The following FBN2 variants were observed in gnomAD, a reference collection of about 807,000 sequenced individuals.
FBN2 encodes the protein fibrillin 2.
A neutral mutation model predicts 355.6 loss-of-function variants in FBN2; 105 were observed. The ratio of observed to expected loss-of-function variants is 0.30; its 90% confidence interval spans 0.25 to 0.35. The LOEUF is 0.35. Among genes scored for constraint, FBN2 ranks in the 10% least tolerant of loss-of-function variants. FBN2 has a pLI of 1.00. For synonymous variants in FBN2, 1,350 were observed against 1,301.2 expected (o/e 1.04, Z -0.81); for missense variants, 3,280 against 3,758.7 (o/e 0.87, Z 3.33).
At chr5:128,396,280 A>G (rs1329168019) in intron 8 of FBN2, among the ~76,000 whole-genome samples, 2 of 152,218 alleles carry the variant, frequency 1.3e-5, no homozygotes, top group Non-Finnish European at 2.9e-5. Context: ...AAAACATGTT[A>G]TATTTGGAAT....
chr5:128,471,579 T>G (rs1218741362), intron 5 of FBN2, among the ~76,000 whole-genome samples: 2 of 152,164 alleles, frequency 1.3e-5, no homozygotes. Context: ...AAGAGATCTG[T>G]GCAAATATTA....
At chr5:128,406,654 C>T (rs2126997289) in intron 8 of FBN2, among the ~76,000 whole-genome samples, 1 of 152,246 alleles carries the variant, frequency 6.6e-6, no homozygotes, top group Admixed American at 6.5e-5. Context: ...GGAGCCTATA[C>T]AGCATGGATA....
At chr5:128,487,541 T>C (rs546675189) in intron 5 of FBN2, among the ~76,000 whole-genome samples, 109 of 152,336 alleles carry the variant, frequency 7.2e-4, no homozygotes, top group Middle Eastern at 3.4e-3. Context: ...TTTTAAAATA[T>C]ATTTGTTTTA....
In FBN2 at chr5:128,259,349, A is replaced by C; in HGVS notation, c.*106T>G. ...AGTCTAAGACAGGGAGGAAAGAAAC[A>C]AGAGTTATTATTATTTTTCCTCTTT... On this transcript the variant is annotated 3_prime_UTR_variant, in exon 65 of 65. Transcript: ENST00000262464. 1 of 1,360,976 alleles carries C rather than the reference A, an allele frequency of 7.3e-7. No individual in the cohort carries two copies. Among genetic ancestry groups the C allele is most frequent in the Admixed American group, 1.7e-5 (1 of 59,650 alleles). The allele number at this position is 1,360,976 out of a possible 1,614,324, so 84.3% of individuals were successfully genotyped here.
At chr5:128,525,220 A>T (rs1437039827) in intron 4 of FBN2, among the ~76,000 whole-genome samples, 1 of 152,166 alleles carries the variant, frequency 6.6e-6, no homozygotes, top group African/African-American at 2.4e-5. Flanking sequence ...TCTAATTTTC[A>T]TTTTTCCCTC....
chr5:128,532,474 C>A (rs1361147559), intron 2 of FBN2, among the ~76,000 whole-genome samples: 1 of 152,186 alleles, frequency 6.6e-6, no homozygotes, highest in Non-Finnish European at 1.5e-5. Context: ...TGAGAGATTT[C>A]TCTCTATAAC....
chr5:128,437,409 G>C (rs941877573), intron 7 of FBN2, among the ~76,000 whole-genome samples: 1 of 152,202 alleles, frequency 6.6e-6, no homozygotes, highest in South Asian at 2.1e-4. Context: ...CTTTTGTAAC[G>C]TTTAACAACT....
chr5:128,278,898 G>T, intron 56 of FBN2, 57 bp from the exon 57 acceptor site: 1 of 1,404,138 alleles, frequency 7.1e-7, no homozygotes, highest in Non-Finnish European at 9.9e-7. Flanking sequence ...CATTATCCTG[G>T]CTTTCAAATT....
intron 11 of FBN2, among the ~76,000 whole-genome samples, chr5:128,391,378 A>G (rs2126976399): frequency 6.6e-6 from 1 of 152,310 alleles, no homozygotes; most frequent in African/African-American, 2.4e-5. Flanking sequence ...CAGACATTAA[A>G]AAGGTTTGCA....
intron 5 of FBN2, among the ~76,000 whole-genome samples, chr5:128,508,237 T>C (rs1367446151): frequency 6.6e-6 from 1 of 152,024 alleles, no homozygotes; most frequent in Non-Finnish European, 1.5e-5. Flanking sequence ...ATCTTTCAAT[T>C]GGAGTGTTGA....
intron 4 of FBN2, among the ~76,000 whole-genome samples, chr5:128,521,202 T>C (rs1756424495): frequency 6.6e-6 from 1 of 152,218 alleles, no homozygotes; most frequent in Admixed American, 6.5e-5. Flanking sequence ...AGGAACAACA[T>C]AATGTCCTTT....
chr5:128,379,365 T>C (rs1752169952), intron 11 of FBN2, among the ~76,000 whole-genome samples: 1 of 152,150 alleles, frequency 6.6e-6, no homozygotes, highest in African/African-American at 2.4e-5. Context: ...GTCTTTGGTA[T>C]AACTTTTTTT....
chr5:128,400,618 A>G (rs1208940901), intron 8 of FBN2, among the ~76,000 whole-genome samples: 1 of 152,214 alleles, frequency 6.6e-6, no homozygotes, highest in Non-Finnish European at 1.5e-5. Flanking sequence ...TTGTTAAACC[A>G]TGAAGCAAAT....
chr5:128,526,242 A>C (rs867810799), intron 4 of FBN2, among the ~76,000 whole-genome samples: 4 of 152,144 alleles, frequency 2.6e-5, no homozygotes, highest in Non-Finnish European at 2.9e-5. Context: ...AGAAAAAAAA[A>C]CAGAAAATAA....
At chr5:128,490,524 G>C (rs1464528369) in intron 5 of FBN2, among the ~76,000 whole-genome samples, 1 of 152,146 alleles carries the variant, frequency 6.6e-6, no homozygotes, top group African/African-American at 2.4e-5. Context: ...TATGTACTGG[G>C]AAGTGAAAAC....
chr5:128,293,638 T>C (rs191470073), intron 48 of FBN2, among the ~76,000 whole-genome samples: 5 of 152,292 alleles, frequency 3.3e-5, no homozygotes, highest in African/African-American at 1.2e-4. Context: ...CTATCCATAC[T>C]TTCATTAAGA....
chr5:128,359,952 C>T (rs759284237), intron 19 of FBN2, among the ~76,000 whole-genome samples: 2 of 152,046 alleles, frequency 1.3e-5, no homozygotes, highest in South Asian at 4.1e-4. Context: ...CATTTAGTTC[C>T]GCATTACGTG....
chr5:128,336,155 C>T lies in FBN2; in HGVS notation c.3599-42G>A, dbSNP rs779123339. ...GAAGTAATGCTTTACACAATGTCCA[C>T]TCACTAAAGCCATCAGAAAGGTGCT... On this transcript the variant is annotated intron_variant, in intron 27 of 64. Coordinates refer to ENST00000262464, the MANE Select transcript of FBN2 (RefSeq NM_001999.4). 12 of 1,602,718 alleles carry T rather than the reference C, an allele frequency of 7.5e-6. No individual in the cohort carries two copies. The African/African-American group carries it at 1.6e-4, about 21-fold the overall frequency.
intron 5 of FBN2, among the ~76,000 whole-genome samples, chr5:128,475,696 T>C (rs1165283823): frequency 9.9e-5 from 15 of 152,150 alleles, no homozygotes; most frequent in African/African-American, 3.4e-4. Context: ...ATGAGATCTC[T>C]GAATTTCTGA....
Sources: allele counts gnomAD v4.1 joint callset (sites outside exome capture counted in the v4.1 genomes callset), GRCh38; gene constraint gnomAD v4.1.1; transcripts MANE v1.5; gene names NCBI Gene and HGNC (gene_info 2026-07-23, HGNC 2026-07-21).